Variants in NKTR observed in about 807,000 individuals in gnomAD.
NKTR encodes the protein NK-tumor recognition protein.
A neutral mutation model predicts 156.3 loss-of-function variants in NKTR; 67 were observed. That is an observed-to-expected ratio of 0.43 (90% CI 0.35 to 0.53). The LOEUF (loss-of-function observed/expected upper bound fraction) is 0.53. NKTR is among the 20% of genes least tolerant of loss of function. The pLI is 0.01. For synonymous variants in NKTR, 640 were observed against 596.6 expected, an observed-to-expected ratio of 1.07 and a Z score of -1.06; for missense variants, 1,604 against 1,730.9, an observed-to-expected ratio of 0.93 and a Z score of 1.30.
intron 10 of NKTR, 53 bp from the exon 11 acceptor site, chr3:42,634,560 A>T: frequency 9.6e-7 from 1 of 1,040,410 alleles, no homozygotes; most frequent in Non-Finnish European, 1.4e-6. Flanking sequence ...CATTATTAAA[A>T]ATTCTAGCTT....
chr3:42,640,510 A>G (rs1364682207), intron 13 of NKTR, among the ~76,000 whole-genome samples: 2 of 152,146 alleles, frequency 1.3e-5, no homozygotes, highest in African/African-American at 4.8e-5. Context: ...TGTGCTTGAT[A>G]TTCATCATTT....
At position 42,600,758 on chromosome 3, in the gene NKTR, C is replaced by T. The variant is rs1316689067; in HGVS notation, c.-44C>T. ...TTTCTCTTCTGCTCACGGGGACCCGCTCAGGCTGGAGGCCAGCCAGGTGAA... is the reference window on the plus strand; with the variant it reads ...TTTCTCTTCTGCTCACGGGGACCCGTTCAGGCTGGAGGCCAGCCAGGTGAA... On this transcript the variant is annotated 5_prime_UTR_variant, in exon 1 of 17. Coordinates refer to ENST00000232978, the MANE Select transcript of NKTR (RefSeq NM_005385.4). The T allele has an allele frequency of 1.1e-5, 4 of 352,532 alleles. No individual in the cohort carries two copies. The allele number at this position is 352,532 out of a possible 1,614,324, so 21.8% of individuals were successfully genotyped here. A position where few individuals can be genotyped will look rare whatever the true frequency, so the allele number is the denominator to read the frequency against.
At chr3:42,615,462 G>C (rs1324679926) in intron 2 of NKTR, among the ~76,000 whole-genome samples, 1 of 150,322 alleles carries the variant, frequency 6.7e-6, no homozygotes, top group African/African-American at 2.5e-5. Flanking sequence ...CATTTTAACT[G>C]TTTTCAAGTG....
At chr3:42,640,124 T>G (rs747732190) in intron 13 of NKTR, among the ~76,000 whole-genome samples, 6 of 152,182 alleles carry the variant, frequency 3.9e-5, no homozygotes, top group Non-Finnish European at 8.8e-5. Flanking sequence ...AATCTAACCT[T>G]CCATTTTACA....
rs1355168802 is a variant in NKTR, at chr3:42,632,740, A to T, written c.690A>T (p.Pro230=). The T allele has an allele frequency of 1.2e-6, 2 of 1,613,142 alleles. No homozygotes were observed. The highest frequency in any genetic ancestry group is 3.3e-5 in the Admixed American group (2 of 59,828). The change falls in exon 9 of 17, where the codon CCA becomes CCT. Residue 230 remains proline (P), a synonymous_variant. Transcript: ENST00000232978. ...RSRRRKHKRR[P]KVKRSKKRRK... ...GAAGGAGGAAACATAAGAGGAGGCC[A>T]AAAGTTAAACGTTCTAAAAAGAGGC...
intron 2 of NKTR, among the ~76,000 whole-genome samples, chr3:42,608,866 C>T (rs1352335448): frequency 1.3e-5 from 2 of 152,242 alleles, no homozygotes; most frequent in East Asian, 1.9e-4. Flanking sequence ...TGGCTCATGG[C>T]GGTAATCCCA....
Position 42,637,786 on chromosome 3 carries a change from C to CAGAT in NKTR, c.2083_2086dup (p.Ser696Ter). 6.2e-7 allele frequency: 1 copy of CAGAT among 1,613,770 alleles called. No homozygotes were observed. Among genetic ancestry groups the CAGAT allele is most frequent in the Non-Finnish European group, 8.5e-7 (1 of 1,179,914 alleles). On this transcript the variant is annotated frameshift_variant, in exon 13 of 17. Coordinates refer to ENST00000232978, the MANE Select transcript of NKTR (RefSeq NM_005385.4). LOFTEE classifies it high-confidence loss of function. ...CAGAAAGCTCACCAAGGTCAAGGAG[C>CAGAT]AGATCTTCTAGGAGTAGATCTTATT...
chr3:42,628,383 C>T, intron 6 of NKTR: 1 of 984,828 alleles, frequency 1.0e-6, no homozygotes, highest in Non-Finnish European at 1.2e-6. Flanking sequence ...ATAAAGATAG[C>T]TATTCCATCC....
In NKTR at chr3:42,643,952, G is replaced by C. The variant is rs1319703859; in HGVS notation, c.4250G>C (p.Ser1417Thr). Reference protein sequence around the residue: ...YYSRSRSRSRSQRSDSYHRGR... With the variant: ...YYSRSRSRSRTQRSDSYHRGR... Reference sequence around the variant, plus strand: ...AGCAGGAGTCGGAGTCGAAGTAGAAGCCAGAGAAGTGACAGTTACCACCGA... The same window carrying C: ...AGCAGGAGTCGGAGTCGAAGTAGAACCCAGAGAAGTGACAGTTACCACCGA... Residue 1417 changes from serine (S) to threonine (T), a missense_variant, in exon 16 of 17, where the codon AGC (serine) becomes ACC (threonine). By Grantham distance (58) the Ser-to-Thr change is moderately conservative. Transcript: ENST00000232978. 1.2e-6 allele frequency: 2 copies of C among 1,614,100 alleles called. No homozygotes were observed. The highest frequency in any genetic ancestry group is 1.3e-5 in the African/African-American group (1 of 75,012).
Position 42,637,072 on chromosome 3 carries a change from G to A in NKTR, c.1368G>A (p.Lys456=). 16 of 1,605,064 alleles carry A rather than the reference G, an allele frequency of 1.0e-5. No individual in the cohort carries two copies. The highest frequency in any genetic ancestry group is 1.3e-5 in the Non-Finnish European group (15 of 1,177,784). The change falls in exon 13 of 17, where the codon AAG becomes AAA. Residue 456 remains lysine (K), a synonymous_variant. Transcript: ENST00000232978. ...GCAGAAGACACAAACAAACAAAGAAGAGAAGGATTCTTATACCGTCTGACA... is the reference window on the plus strand; with the variant it reads ...GCAGAAGACACAAACAAACAAAGAAAAGAAGGATTCTTATACCGTCTGACA... ...KHCRRHKQTK[K]RRILIPSDIE...
Position 42,639,712 on chromosome 3 carries a change from C to T in NKTR, c.4008C>T (p.His1336=), listed in dbSNP as rs749101745. The T allele has an allele frequency of 1.2e-5, 19 of 1,611,020 alleles. No homozygotes were observed. The Admixed American group carries it at 2.4e-4, about 20-fold the overall frequency. ...RHRTRSVSYS[H]SRSRSRSSTS... The stretch of plus-strand genomic sequence containing the variant: ...GAACAAGGTCTGTCTCCTATAGTCA[C>T]TCAAGAAGTCGATCGAGAAGTTCCA... Residue 1336 remains histidine, a synonymous_variant, in exon 13 of 17, where the codon CAC becomes CAT. Coordinates refer to ENST00000232978, the MANE Select transcript of NKTR (RefSeq NM_005385.4).
intron 2 of NKTR, 158 bp downstream of exon 2, chr3:42,601,222 G>A (rs868561085): frequency 7.1e-6 from 4 of 563,442 alleles, no homozygotes; most frequent in African/African-American, 5.9e-5. Flanking sequence ...GGGAGAGGAA[G>A]GTGGCCTGGG....
intron 2 of NKTR, among the ~76,000 whole-genome samples, chr3:42,604,949 C>T (rs924085850): frequency 6.6e-6 from 1 of 151,926 alleles, no homozygotes; most frequent in African/African-American, 2.4e-5. Flanking sequence ...CTCGGCCTCT[C>T]GAAGTGCTGG....
chr3:42,627,071 C>T, intron 6 of NKTR: 1 of 741,362 alleles, frequency 1.3e-6, no homozygotes, highest in South Asian at 6.1e-5. Context: ...TTTAAAAAAG[C>T]TTTCTTGCTC....
rs755015212 is a variant in NKTR at position 42,639,265 on chromosome 3, G to A, written c.3561G>A (p.Val1187=). 16 of 1,614,100 alleles carry A rather than the reference G, an allele frequency of 9.9e-6. 1 individual carries two copies. The South Asian group carries it at 1.6e-4, about 17-fold the overall frequency. ...AAAGCAGCATGTCCGAAAGTAAAGT[G>A]TTGGGTGAAGTGGGGAAACAGGACA... is the stretch of plus-strand genomic sequence containing the variant. ...KQESSMSESK[V]LGEVGKQDSS... is the part of the protein sequence containing the mutation. Residue 1187 remains valine, a synonymous_variant, in exon 13 of 17, where the codon GTG becomes GTA. Transcript: ENST00000232978.
At chr3:42,634,109 A>T (rs1271260908) in intron 10 of NKTR, among the ~76,000 whole-genome samples, 1 of 152,204 alleles carries the variant, frequency 6.6e-6, no homozygotes, top group African/African-American at 2.4e-5. Flanking sequence ...CATTTGAGTG[A>T]TGAAGCATGG....
chr3:42,645,931 T>TA lies in NKTR; in HGVS notation c.4346dup (p.Tyr1449Ter). 6.2e-7 allele frequency: 1 copy of TA among 1,613,802 alleles called. No homozygotes were observed. The highest frequency in any genetic ancestry group is 8.5e-7 in the Non-Finnish European group (1 of 1,179,752). The change falls in exon 17 of 17, where the codon TAC becomes TAAC. Residue 1449 changes from tyrosine to a stop codon, truncating the protein, a stop_gained and frameshift_variant. Transcript: ENST00000232978. LOFTEE classifies it high-confidence loss of function. ...YGSDSESDRSYSHHRSPSESS... is the reference protein window; with the variant it reads ...YGSDSESDRS ...CTCTGACAGTGAAAGTGACCGAAGT[T>TA]ACTCTCATCACCGGAGCCCCAGTGA...
rs554278453 is a variant in NKTR at position 42,619,428 on chromosome 3, T to G, written c.242-236T>G. ...CTTTTGTTCTGGAATGTTTTTGGTG[T>G]TATTACTGTTTGAAATAAGTAGGTT... On this transcript the variant is annotated intron_variant, in intron 4 of 16. Transcript: ENST00000232978. 21 of 1,335,698 alleles carry G rather than the reference T, an allele frequency of 1.6e-5. No individual in the cohort carries two copies. The African/African-American group carries it at 2.9e-4, about 18-fold the overall frequency. The allele number at this position is 1,335,698 out of a possible 1,614,324, so 82.7% of individuals were successfully genotyped here. A position where few individuals can be genotyped will look rare whatever the true frequency, so the allele number is the denominator to read the frequency against.
At chr3:42,603,025 C>CA (rs35896209) in intron 2 of NKTR, 35,363 of 102,412 alleles carry the variant, frequency 0.35, 5,052 homozygotes, top group East Asian at 0.52. Flanking sequence ...GACCCTGTCT[C>CA]AAAAAAAAAA....
Sources: gnomAD v4.1 joint callset for allele counts (sites outside exome capture counted in the v4.1 genomes callset) on GRCh38, gnomAD v4.1.1 for gene constraint, MANE v1.5 for transcripts, NCBI Gene and HGNC (gene_info 2026-07-23, HGNC 2026-07-21) for gene names.